CNTNAP2: variants seen among roughly 807,000 people sequenced by gnomAD.
CNTNAP2 encodes contactin-associated protein-like 2.
Under a neutral mutation model 155.2 loss-of-function variants are expected in CNTNAP2, and 98 were observed. The ratio of observed to expected loss-of-function variants is 0.63; its 90% CI spans 0.54 to 0.75. The LOEUF (loss-of-function observed/expected upper bound fraction) is 0.75. Ranked by LOEUF, CNTNAP2 falls within the 30% of genes least tolerant of loss-of-function variation. The probability of loss-of-function intolerance (pLI) is 0.00; values close to 1 mark genes in which losing one functional copy is unlikely to be tolerated. For synonymous variants in CNTNAP2, 651 were observed against 631.2 expected (o/e 1.03, Z -0.47); for missense variants, 1,727 against 1,688.1 (o/e 1.02, Z -0.40).
At chr7:148,406,566 T>G (rs1028087802) in intron 22 of CNTNAP2, among the ~76,000 whole-genome samples, 1 of 152,128 alleles carries the variant, frequency 6.6e-6, no homozygotes, top group Non-Finnish European at 1.5e-5. Flanking sequence ...TAGAGAAGAT[T>G]GTTGACTTTG....
intron 1 of CNTNAP2, among the ~76,000 whole-genome samples, chr7:146,621,233 TG>T (rs1799311476): frequency 6.6e-6 from 1 of 152,198 alleles, no homozygotes; most frequent in Non-Finnish European, 1.5e-5. Context: ...ACAGAAAAGT[TG>T]GGGAGAGAAT....
intron 1 of CNTNAP2, among the ~76,000 whole-genome samples, chr7:146,218,502 C>G (rs1156772031): frequency 6.6e-6 from 1 of 151,014 alleles, no homozygotes; most frequent in African/African-American, 2.4e-5. Flanking sequence ...GAGTGAGACT[C>G]TGTCTCAAAA....
intron 22 of CNTNAP2, among the ~76,000 whole-genome samples, chr7:148,391,922 T>C (rs901224526): frequency 1.3e-5 from 2 of 152,168 alleles, no homozygotes; most frequent in African/African-American, 4.8e-5. Flanking sequence ...TAGAGTGTTT[T>C]ATCACATTCG....
At chr7:146,401,725 T>C (rs1221998605) in intron 1 of CNTNAP2, among the ~76,000 whole-genome samples, 1 of 152,170 alleles carries the variant, frequency 6.6e-6, no homozygotes, top group Non-Finnish European at 1.5e-5. Flanking sequence ...TTCCATGAAA[T>C]TTTGCAAGAT....
At chr7:147,611,263 A>G (rs1401406616) in intron 12 of CNTNAP2, among the ~76,000 whole-genome samples, 1 of 152,198 alleles carries the variant, frequency 6.6e-6, no homozygotes, top group Non-Finnish European at 1.5e-5. Flanking sequence ...GTTACAAGCA[A>G]CAAGAATCAA....
At chr7:146,222,911 G>A (rs3857778) in intron 1 of CNTNAP2, among the ~76,000 whole-genome samples, 2 of 151,766 alleles carry the variant, frequency 1.3e-5, no homozygotes, top group African/African-American at 2.4e-5. Flanking sequence ...CGCCCGCCTC[G>A]GCCTCCCAAA....
At chr7:148,326,316 C>T (rs1585274447) in intron 21 of CNTNAP2, among the ~76,000 whole-genome samples, 2 of 152,058 alleles carry the variant, frequency 1.3e-5, no homozygotes, top group South Asian at 4.2e-4. Context: ...TAGAGTCTGG[C>T]CTCTCGGTTA....
intron 13 of CNTNAP2, among the ~76,000 whole-genome samples, chr7:147,709,652 C>T (rs1441267916): frequency 6.6e-6 from 1 of 152,102 alleles, no homozygotes; most frequent in African/African-American, 2.4e-5. Flanking sequence ...ACATACCGAG[C>T]AGCCTTGTTT....
chr7:146,230,159 A>C (rs1338212447), intron 1 of CNTNAP2, among the ~76,000 whole-genome samples: 2 of 152,216 alleles, frequency 1.3e-5, no homozygotes, highest in Non-Finnish European at 2.9e-5. Flanking sequence ...CTTGAGATCA[A>C]AAAAGAAAAC....
intron 22 of CNTNAP2, among the ~76,000 whole-genome samples, chr7:148,394,788 G>A (rs1163289914): frequency 6.6e-6 from 1 of 152,190 alleles, no homozygotes; most frequent in African/African-American, 2.4e-5. Context: ...GATGCAGCGG[G>A]TCCCTGGAAC....
chr7:147,318,147 A>G (rs1431810245), intron 9 of CNTNAP2, among the ~76,000 whole-genome samples: 1 of 152,190 alleles, frequency 6.6e-6, no homozygotes, highest in Non-Finnish European at 1.5e-5. Flanking sequence ...TTTCCATATA[A>G]AAATGTAAAG....
At chr7:147,434,189 G>C (rs1382994509) in intron 10 of CNTNAP2, among the ~76,000 whole-genome samples, 1 of 152,164 alleles carries the variant, frequency 6.6e-6, no homozygotes, top group Non-Finnish European at 1.5e-5. Context: ...AATAGTTGTA[G>C]TATTCTGTAC....
chr7:147,626,247 G>A (rs1180948375), intron 12 of CNTNAP2, among the ~76,000 whole-genome samples: 1 of 152,106 alleles, frequency 6.6e-6, no homozygotes, highest in East Asian at 1.9e-4. Context: ...AAAGGAGCAA[G>A]GGCCATGCTT....
At chr7:147,469,840 C>T (rs1441862084) in intron 10 of CNTNAP2, among the ~76,000 whole-genome samples, 1 of 151,912 alleles carries the variant, frequency 6.6e-6, no homozygotes, top group Non-Finnish European at 1.5e-5. Context: ...TTAAACAGAG[C>T]GATTAGAGCA....
intron 1 of CNTNAP2, among the ~76,000 whole-genome samples, chr7:146,253,165 A>T (rs181692357): frequency 8.5e-5 from 13 of 152,290 alleles, no homozygotes; most frequent in Admixed American, 7.8e-4. Context: ...TGTGATTGCT[A>T]AGTACAGACA....
At chr7:146,131,209 G>A (rs1797708701) in intron 1 of CNTNAP2, among the ~76,000 whole-genome samples, 2 of 151,886 alleles carry the variant, frequency 1.3e-5, no homozygotes, top group African/African-American at 2.4e-5. Context: ...TTTCCCCTTG[G>A]CATTACTATG....
chr7:147,957,733 A>C (rs1308029405), intron 14 of CNTNAP2, among the ~76,000 whole-genome samples: 1 of 152,222 alleles, frequency 6.6e-6, no homozygotes, highest in African/African-American at 2.4e-5. Flanking sequence ...TGTTAGATAC[A>C]TATATATTAA....
intron 21 of CNTNAP2, among the ~76,000 whole-genome samples, chr7:148,351,308 A>G (rs1208011625): frequency 6.6e-6 from 1 of 152,066 alleles, no homozygotes. Flanking sequence ...CCTCAAGGAC[A>G]CGGCACTTAA....
At chr7:147,764,565 T>C (rs980812128) in intron 13 of CNTNAP2, among the ~76,000 whole-genome samples, 1 of 152,154 alleles carries the variant, frequency 6.6e-6, no homozygotes, top group Non-Finnish European at 1.5e-5. Context: ...ACCTTAAAAT[T>C]GAACATAGAA....
Sources: allele counts gnomAD v4.1 joint callset (sites outside exome capture counted in the v4.1 genomes callset), GRCh38; gene constraint gnomAD v4.1.1; transcripts MANE v1.5; gene names NCBI Gene and HGNC (gene_info 2026-07-23, HGNC 2026-07-21).